Variants in PHF21A observed in about 807,000 individuals in gnomAD.
PHF21A encodes BHC80a.
A neutral mutation model predicts 82.5 loss-of-function variants in PHF21A; 11 were observed. That is an observed-to-expected ratio of 0.13 (90% CI 0.08 to 0.22). PHF21A has a LOEUF of 0.22. Ranked by LOEUF, PHF21A falls within the 10% of genes least tolerant of loss-of-function variation. The pLI, the probability that PHF21A is intolerant of heterozygous loss-of-function variation, is 1.00. For synonymous variants in PHF21A, 297 were observed against 302.8 expected (o/e 0.98, Z 0.20); for missense variants, 579 against 837.8 (o/e 0.69, Z 3.81).
intron 1 of PHF21A, among the ~76,000 whole-genome samples, 154 bp from the exon 2 acceptor site, chr11:46,092,377 A>G (rs2096935664): frequency 6.6e-6 from 1 of 152,364 alleles, no homozygotes; most frequent in East Asian, 1.9e-4. Flanking sequence ...GAAAAAAAGA[A>G]GCAATAGGTA....
intron 6 of PHF21A, among the ~76,000 whole-genome samples, chr11:46,051,378 T>C (rs1459624705): frequency 6.6e-6 from 1 of 152,178 alleles, no homozygotes; most frequent in Non-Finnish European, 1.5e-5. Context: ...ATTTTTATTC[T>C]TGTGACAGCC....
At chr11:46,047,902 C>G (rs2096280039) in intron 6 of PHF21A, among the ~76,000 whole-genome samples, 1 of 152,172 alleles carries the variant, frequency 6.6e-6, no homozygotes, top group Non-Finnish European at 1.5e-5. Flanking sequence ...TATGGGTTCT[C>G]CTAGCCAGTA....
chr11:46,028,571 C>CT (rs869035139), intron 6 of PHF21A, among the ~76,000 whole-genome samples: 2,228 of 106,300 alleles, frequency 0.021, 114 homozygotes, highest in South Asian at 0.046. Context: ...AAAAGCTTGC[C>CT]TTTTTTTTTT....
rs2088083278 is a variant in PHF21A at position 45,933,974 on chromosome 11, A to C, written c.2040T>G (p.Thr680=). The C allele has an allele frequency of 1.3e-6, 2 of 1,553,334 alleles. No homozygotes were observed. The highest frequency in any genetic ancestry group is 1.4e-5 in the African/African-American group (1 of 72,498). The change falls in exon 19 of 19, where the codon ACT becomes ACG. Residue 680 remains threonine, a synonymous_variant. Transcript: ENST00000676320. ...TTCTCCTAGAGGGGCTCTGTTATTT[A>C]GTCTCTTCCCCCTGGTTACAGTTCG... ...CTANCNQGEE[T]K
intron 6 of PHF21A, among the ~76,000 whole-genome samples, chr11:46,022,510 A>G (rs1313788265): frequency 6.6e-6 from 1 of 152,122 alleles, no homozygotes; most frequent in Non-Finnish European, 1.5e-5. Flanking sequence ...CACCTAGGCT[A>G]GGTTGCAGTG....
Position 45,953,577 on chromosome 11 carries a change from T to G in PHF21A, c.1045A>C (p.Thr349Pro), listed in dbSNP as rs1465390375. 3 of 1,614,024 alleles carry G rather than the reference T, an allele frequency of 1.9e-6. No homozygotes were observed. Among genetic ancestry groups the G allele is most frequent in the Middle Eastern group, 3.3e-4 (2 of 6,052 alleles). ...ETDEKQTESR[T>P]ITPPAAPKPK... is the part of the protein sequence containing the mutation. Reference sequence around the variant, plus strand: ...TTGGGTGCAGCAGGTGGGGTGATGGTGCGGCTCTCTGTTTGTTTCTCATCT... The same window carrying G: ...TTGGGTGCAGCAGGTGGGGTGATGGGGCGGCTCTCTGTTTGTTTCTCATCT... The change falls in exon 11 of 19, where the codon ACC becomes CCC. Residue 349 changes from threonine to proline, a missense_variant. Thr to Pro is a conservative substitution (Grantham distance 38). Coordinates refer to ENST00000676320, the MANE Select transcript of PHF21A (RefSeq NM_001352027.3).
intron 3 of PHF21A, among the ~76,000 whole-genome samples, chr11:46,087,573 T>C (rs2096871418): frequency 1.3e-5 from 2 of 152,218 alleles, no homozygotes; most frequent in African/African-American, 2.4e-5. Context: ...GAAAGATCTC[T>C]TTCTGGATAG....
At chr11:46,017,277 T>C (rs1231861573) in intron 6 of PHF21A, among the ~76,000 whole-genome samples, 2 of 152,176 alleles carry the variant, frequency 1.3e-5, no homozygotes, top group Non-Finnish European at 2.9e-5. Context: ...GGCCTACATC[T>C]ATTAATTTTT....
chr11:46,096,337 C>T (rs745867655), intron 1 of PHF21A, among the ~76,000 whole-genome samples: 3 of 151,818 alleles, frequency 2.0e-5, no homozygotes, highest in African/African-American at 7.3e-5. Context: ...TTATTGTCCC[C>T]GTCTAGGCTC....
intron 6 of PHF21A, chr11:46,027,066 C>G (rs1425561906): frequency 6.6e-6 from 1 of 152,148 alleles, no homozygotes; most frequent in Admixed American, 6.5e-5. Flanking sequence ...ATCATCATTC[C>G]TATCTGATGT....
intron 1 of PHF21A, among the ~76,000 whole-genome samples, chr11:46,119,090 TC>T (rs1852219840): frequency 1.4e-5 from 2 of 138,396 alleles, no homozygotes; most frequent in Admixed American, 1.6e-4. Flanking sequence ...AAGACTTCCT[TC>T]CCAGAGTGCA....
intron 6 of PHF21A, among the ~76,000 whole-genome samples, chr11:46,015,879 A>G (rs1213736855): frequency 6.7e-6 from 1 of 148,218 alleles, no homozygotes; most frequent in Non-Finnish European, 1.5e-5. Flanking sequence ...GCCCGAGGCT[A>G]TTGCTGTTTT....
chr11:45,947,185 T>C (rs2091420812), intron 14 of PHF21A, among the ~76,000 whole-genome samples: 1 of 152,180 alleles, frequency 6.6e-6, no homozygotes, highest in African/African-American at 2.4e-5. Context: ...ATGAGCCCTG[T>C]GGGTACAGAA....
Position 45,970,785 on chromosome 11 carries a change from G to A in PHF21A, c.612+331C>T, listed in dbSNP as rs368968907. 5 of 244,676 alleles carry A rather than the reference G, an allele frequency of 2.0e-5. No individual in the cohort carries two copies. The South Asian group carries it at 2.3e-4, about 11-fold the overall frequency. 15.2% of individuals were successfully genotyped at this position (244,676 alleles called of 1,614,324 possible). A position where few individuals can be genotyped will look rare whatever the true frequency, so the allele number is the denominator to read the frequency against. On this transcript the variant is annotated intron_variant, in intron 8 of 18. Coordinates refer to ENST00000676320, the MANE Select transcript of PHF21A (RefSeq NM_001352027.3). ...AGAGTTTAAGCACTCAAGTTTCACAGGAAAACACTGTAGAGAGAGTGAAGG... is the reference window on the plus strand; with the variant it reads ...AGAGTTTAAGCACTCAAGTTTCACAAGAAAACACTGTAGAGAGAGTGAAGG...
chr11:46,092,510 T>C (rs562344619), intron 1 of PHF21A, among the ~76,000 whole-genome samples: 1 of 152,148 alleles, frequency 6.6e-6, no homozygotes, highest in Non-Finnish European at 1.5e-5. Context: ...AGAAATGAAA[T>C]GCACCTCATT....
intron 6 of PHF21A, among the ~76,000 whole-genome samples, chr11:46,007,622 T>A (rs1039438666): frequency 3.9e-5 from 6 of 152,148 alleles, no homozygotes; most frequent in African/African-American, 1.4e-4. Context: ...GCCCCATCTA[T>A]CTTTTATGAT....
intron 6 of PHF21A, among the ~76,000 whole-genome samples, chr11:46,040,478 G>A (rs1028422074): frequency 5.3e-5 from 8 of 152,148 alleles, no homozygotes; most frequent in African/African-American, 1.9e-4. Flanking sequence ...AAGTGGGGAG[G>A]GGTGACGGCT....
chr11:45,987,251 A>AATGTATGTATGTATGTATGTATGT lies in PHF21A; in HGVS notation c.154-7309_154-7286dup, dbSNP rs57573859. The stretch of plus-strand genomic sequence containing the variant: ...ACAGAGCGAGACTGTATCATAAATA[A>AATGTATGTATGTATGTATGTATGT]ATGTATGTATGTATGTATGTATGTA... On this transcript the variant is annotated intron_variant, in intron 6 of 18. Transcript: ENST00000676320. Among the ~76,000 whole-genome samples, 1,130 of 148,552 alleles carry AATGTATGTATGTATGTATGTATGT rather than the reference A, an allele frequency of 7.6e-3. 19 individuals are homozygous for AATGTATGTATGTATGTATGTATGT. Among genetic ancestry groups the AATGTATGTATGTATGTATGTATGT allele is most frequent in the African/African-American group, 0.024 (970 of 40,114 alleles).
At chr11:46,015,711 C>CA (rs1274050267) in intron 6 of PHF21A, among the ~76,000 whole-genome samples, 14 of 152,148 alleles carry the variant, frequency 9.2e-5, no homozygotes, top group Non-Finnish European at 2.1e-4. Flanking sequence ...CAAACACACA[C>CA]ATTAGCCTAG....
Sources: allele counts gnomAD v4.1 joint callset (sites outside exome capture counted in the v4.1 genomes callset), GRCh38; gene constraint gnomAD v4.1.1; transcripts MANE v1.5; gene names NCBI Gene and HGNC (gene_info 2026-07-23, HGNC 2026-07-21).